PPFIA3: variants seen among roughly 807,000 people sequenced by gnomAD.
The protein encoded by PPFIA3 is liprin-alpha-3.
Under a neutral mutation model 145.8 loss-of-function variants are expected in PPFIA3, and 26 were observed. That is an observed-to-expected ratio of 0.18 (90% CI 0.13 to 0.25). The LOEUF (loss-of-function observed/expected upper bound fraction) is 0.25. PPFIA3 is among the 10% of genes least tolerant of loss of function. PPFIA3 has a pLI of 1.00. For synonymous variants in PPFIA3, 645 were observed against 661.4 expected (o/e 0.98, Z 0.38); for missense variants, 1,008 against 1,587.8 (o/e 0.63, Z 6.21).
rs778987116 is a variant in PPFIA3, at chr19:49,133,164, G to T, written c.1026+17G>T. ...TATCGGCAGGTGGGGGCGCGGCCGG[G>T]AGGGGCGATGGGGGCGGTGCCGGGG... On this transcript the variant is annotated intron_variant, in intron 8 of 29. Coordinates refer to ENST00000334186, the MANE Select transcript of PPFIA3 (RefSeq NM_003660.4). This position sits in a 1 kb window ranked among gnomAD's most constrained non-coding sequence, Gnocchi z 7.2. 12 of 1,588,534 alleles carry T rather than the reference G, an allele frequency of 7.6e-6. No homozygotes were observed. In the South Asian group the frequency reaches 1.4e-4, roughly 18 times the overall value.
rs960060811 is a variant in PPFIA3 at position 49,120,082 on chromosome 19, C to G, written c.-16+360C>G. On this transcript the variant is annotated intron_variant, in intron 1 of 29. Transcript: ENST00000334186. The surrounding 1 kb of genome is among the most constrained non-coding windows in gnomAD (Gnocchi z 4.6). ...ACTCCCCAGACGCGTCCGCATCGTC[C>G]CCGCTTCGCGCACTCCGTCTCCCGT... 5.3e-5 allele frequency among the ~76,000 whole-genome samples: 8 copies of G among 152,076 alleles called. No homozygotes were observed. The highest frequency in any genetic ancestry group is 1.0e-4 in the Non-Finnish European group (7 of 67,982).
At chr19:49,123,316 A>G (rs1568432559) in intron 1 of PPFIA3, among the ~76,000 whole-genome samples, 1 of 152,042 alleles carries the variant, frequency 6.6e-6, no homozygotes, top group Non-Finnish European at 1.5e-5. Context: ...GGTGTGAGCC[A>G]CCACGCCCGG....
chr19:49,134,968 G>A (rs538485082), intron 13 of PPFIA3, 53 bp downstream of exon 13: 22 of 1,451,538 alleles, frequency 1.5e-5, no homozygotes, highest in African/African-American at 4.3e-5. Flanking sequence ...TTGGCCAAGC[G>A]CCAAGCTCCT....
In PPFIA3 at chr19:49,151,001, A is replaced by G. The variant is rs1022231231; in HGVS notation, c.*779A>G. On this transcript the variant is annotated 3_prime_UTR_variant, in exon 30 of 30. Transcript: ENST00000334186. ...CCGCCCCAGGCGTCACTCAGTGATC[A>G]CGGGTAAAGAGAACTGTTTCAAAAA... The G allele has an allele frequency of 5.0e-5, 14 of 281,710 alleles. No homozygotes were observed. The highest frequency in any genetic ancestry group is 7.0e-5 in the Non-Finnish European group (11 of 156,828). 17.5% of individuals were successfully genotyped at this position (281,710 alleles called of 1,614,324 possible).
chr19:49,146,139 T>C, intron 22 of PPFIA3, 27 bp from the exon 23 acceptor site: 1 of 1,613,960 alleles, frequency 6.2e-7, no homozygotes, highest in Non-Finnish European at 8.5e-7. Flanking sequence ...TCACCCCTTC[T>C]CTCCCCTCTT....
chr19:49,127,721 C>T, intron 1 of PPFIA3, 138 bp from the exon 2 acceptor site: 2 of 998,618 alleles, frequency 2.0e-6, no homozygotes, highest in Non-Finnish European at 1.4e-6. Context: ...ATCACAGTGC[C>T]TGGGCCTCAG....
Position 49,149,728 on chromosome 19 carries a change from T to C in PPFIA3, c.3526+10T>C. Reference sequence around the variant, plus strand: ...AAGCTGCAGCCAGAAGGTGGGGGGCTCCCAAATGCGACAGCCCTTCCTCGC... The same window carrying C: ...AAGCTGCAGCCAGAAGGTGGGGGGCCCCCAAATGCGACAGCCCTTCCTCGC... On this transcript the variant is annotated intron_variant, in intron 28 of 29. Transcript: ENST00000334186. The surrounding 1 kb of genome is among the most constrained non-coding windows in gnomAD (Gnocchi z 5.7). The C allele has an allele frequency of 6.3e-7, 1 of 1,594,490 alleles. No individual in the cohort carries two copies. The highest frequency in any genetic ancestry group is 8.5e-7 in the Non-Finnish European group (1 of 1,171,200).
rs1275417166 is a variant in PPFIA3, at chr19:49,130,308, T to C, written c.658-70T>C. 5.0e-6 allele frequency: 7 copies of C among 1,412,936 alleles called. No homozygotes were observed. Among genetic ancestry groups the C allele is most frequent in the Non-Finnish European group, 6.7e-6 (7 of 1,040,054 alleles). The allele number at this position is 1,412,936 out of a possible 1,614,324, so 87.5% of individuals were successfully genotyped here. On this transcript the variant is annotated intron_variant, in intron 6 of 29. Coordinates refer to ENST00000334186, the MANE Select transcript of PPFIA3 (RefSeq NM_003660.4). The surrounding 1 kb of genome is among the most constrained non-coding windows in gnomAD (Gnocchi z 4.5). ...TTTGATCTACTTTCAGCTGATTGAC[T>C]TTCTCCTTGGATTTCCTCTGTGTCT...
Position 49,149,348 on chromosome 19 carries a change from G to T in PPFIA3, c.3354+23G>T, listed in dbSNP as rs776934365. 1 of 1,613,360 alleles carries T rather than the reference G, an allele frequency of 6.2e-7. No individual in the cohort carries two copies. Among genetic ancestry groups the T allele is most frequent in the Non-Finnish European group, 8.5e-7 (1 of 1,179,536 alleles). On this transcript the variant is annotated intron_variant, in intron 27 of 29. Transcript: ENST00000334186. This position sits in a 1 kb window ranked among gnomAD's most constrained non-coding sequence, Gnocchi z 5.7. ...GAGGTGGGCGCGGCAACAGCTCAGA[G>T]GGCTCTGCTCCCAGCGGCTCCTCGA...
intron 7 of PPFIA3, among the ~76,000 whole-genome samples, chr19:49,131,672 A>T (rs982385670): frequency 7.3e-5 from 11 of 151,714 alleles, no homozygotes; most frequent in Admixed American, 2.6e-4. Flanking sequence ...TAAAAAAAAA[A>T]TTAGCCGGGC....
At chr19:49,135,129 C>T (rs1253271010) in intron 13 of PPFIA3, among the ~76,000 whole-genome samples, 2 of 152,176 alleles carry the variant, frequency 1.3e-5, no homozygotes, top group African/African-American at 4.8e-5. Context: ...GCAACCTCCA[C>T]CTCCTGAGTT....
At position 49,150,609 on chromosome 19, in the gene PPFIA3, C is replaced by T. The variant is rs12462568; in HGVS notation, c.*387C>T. Reference sequence around the variant, plus strand: ...GGCTGCTCCCTCCCCTTTTTCCTGCCCAGTCGCGGGGCCCAAGTCTTCCTT... The same window carrying T: ...GGCTGCTCCCTCCCCTTTTTCCTGCTCAGTCGCGGGGCCCAAGTCTTCCTT... On this transcript the variant is annotated 3_prime_UTR_variant, in exon 30 of 30. Coordinates refer to ENST00000334186, the MANE Select transcript of PPFIA3 (RefSeq NM_003660.4). 1 of 154,576 alleles carries T rather than the reference C, an allele frequency of 6.5e-6. No individual in the cohort carries two copies. Among genetic ancestry groups the T allele is most frequent in the Non-Finnish European group, 1.4e-5 (1 of 69,414 alleles). The allele number at this position is 154,576 out of a possible 1,614,324, so 9.6% of individuals were successfully genotyped here.
intron 23 of PPFIA3, among the ~76,000 whole-genome samples, chr19:49,147,532 C>A (rs2041293794): frequency 6.6e-6 from 1 of 151,842 alleles, no homozygotes. Flanking sequence ...CTAAAAAATA[C>A]AAAAATTAGC....
At chr19:49,138,893 C>T (rs1241398111) in intron 16 of PPFIA3, among the ~76,000 whole-genome samples, 1 of 152,006 alleles carries the variant, frequency 6.6e-6, no homozygotes, top group Non-Finnish European at 1.5e-5. Context: ...ATCAATTGAA[C>T]CCAAGAGGCA....
At chr19:49,138,144 G>T in intron 15 of PPFIA3, 61 bp from the exon 16 acceptor site, 2 of 1,476,894 alleles carry the variant, frequency 1.4e-6, no homozygotes, top group Non-Finnish European at 1.8e-6. Flanking sequence ...TGTGCTCCCA[G>T]ATTCCCTCTC....
At chr19:49,141,586 GTA>G (rs1491200709) in intron 19 of PPFIA3, 73 bp downstream of exon 19, 5 of 1,156,552 alleles carry the variant, frequency 4.3e-6, no homozygotes, top group African/African-American at 3.4e-5. Flanking sequence ...GTGTGTGCGT[GTA>G]TGTGTGTGTA....
intron 15 of PPFIA3, among the ~76,000 whole-genome samples, chr19:49,137,807 A>G (rs896384069): frequency 2.0e-5 from 3 of 152,108 alleles, no homozygotes; most frequent in African/African-American, 7.2e-5. Context: ...AAATGAGTCC[A>G]TGCCCTTCCC....
At chr19:49,142,146 G>C in intron 20 of PPFIA3, 31 bp downstream of exon 20, 1 of 1,544,106 alleles carries the variant, frequency 6.5e-7, no homozygotes, top group Non-Finnish European at 8.8e-7. Flanking sequence ...CCTGACTGTT[G>C]GTCCCCAACC....
rs1349443771 is a variant in PPFIA3 at position 49,150,117 on chromosome 19, G to T, written c.3564G>T (p.Ser1188=). Residue 1188 remains serine (S), a synonymous_variant, in exon 29 of 30, where the codon TCG becomes TCT. Coordinates refer to ENST00000334186, the MANE Select transcript of PPFIA3 (RefSeq NM_003660.4). Reference sequence around the variant, plus strand: ...GGAGTTCCCGGGCAGACGGCGTTTCGGTCCGGACCTATTCCTGCTAGTGCA... The same window carrying T: ...GGAGTTCCCGGGCAGACGGCGTTTCTGTCCGGACCTATTCCTGCTAGTGCA... ...TSGSSRADGV[S]VRTYSC 1.2e-6 allele frequency: 2 copies of T among 1,611,004 alleles called. No individual in the cohort carries two copies. Among genetic ancestry groups the T allele is most frequent in the African/African-American group, 2.7e-5 (2 of 75,044 alleles).
Sources: gnomAD v4.1 joint callset for allele counts (sites outside exome capture counted in the v4.1 genomes callset) on GRCh38, gnomAD v4.1.1 for gene constraint, Gnocchi (gnomAD v3.1) non-coding constraint, MANE v1.5 for transcripts, NCBI Gene and HGNC (gene_info 2026-07-23, HGNC 2026-07-21) for gene names.